Variants in LHX2 observed in about 807,000 individuals in gnomAD.
LHX2 encodes LIM homeobox 2, also known as LIM/homeobox protein Lhx2.
Under a neutral mutation model 33.0 loss-of-function variants are expected in LHX2, and 6 were observed. That is an observed-to-expected ratio of 0.18 (90% CI 0.10 to 0.36). The LOEUF (loss-of-function observed/expected upper bound fraction) is 0.36, where lower values mean the gene tolerates loss of function less well. Ranked by LOEUF, LHX2 falls within the 10% of genes least tolerant of loss-of-function variation. LHX2 has a pLI of 1.00. For missense variants in LHX2, 442 were observed against 586.2 expected, an observed-to-expected ratio of 0.75 and a Z score of 2.54; for synonymous variants, 292 against 253.1, an observed-to-expected ratio of 1.15 and a Z score of -1.46.
In LHX2 at chr9:124,013,963, C is replaced by T; in HGVS notation, c.123C>T (p.Thr41=). The T allele has an allele frequency of 6.2e-7, 1 of 1,612,082 alleles. No homozygotes were observed. Residue 41 remains threonine, a splice_region_variant and synonymous_variant, in exon 2 of 5, where the codon ACC becomes ACT. Transcript: ENST00000373615. ...SAIDRGDTET[T]MPSISSDRAA... is the part of the protein sequence containing the mutation. ...CTTCCGCCTCCCTCCCTTCGCAGAC[C>T]ATGCCGTCCATCAGCAGTGACCGCG...
chr9:124,032,504 G>A lies in LHX2; in HGVS notation c.1018G>A (p.Ala340Thr), dbSNP rs1195957735. Residue 340 changes from alanine (A) to threonine (T), a missense_variant, in exon 5 of 5, where the codon GCG (alanine) becomes ACG (threonine). Coordinates refer to ENST00000373615, the MANE Select transcript of LHX2 (RefSeq NM_004789.4). The surrounding 1 kb of genome is among the most constrained non-coding windows in gnomAD (Gnocchi z 4.1). ...GGGCGTGGACAAGTCGACAGACGCG[G>A]CGCTGCAGACAGGGACGCCATCGGG... ...NTGVDKSTDA[A>T]LQTGTPSGPA... The A allele has an allele frequency of 6.2e-7, 1 of 1,613,078 alleles. No individual in the cohort carries two copies. Among genetic ancestry groups the A allele is most frequent in the Non-Finnish European group, 8.5e-7 (1 of 1,179,984 alleles).
At chr9:124,023,353 G>C (rs1013742697) in intron 4 of LHX2, among the ~76,000 whole-genome samples, 5 of 152,194 alleles carry the variant, frequency 3.3e-5, no homozygotes, top group Admixed American at 2.6e-4. Context: ...GACAGTTTAC[G>C]AATTTGTGTT....
intron 4 of LHX2, among the ~76,000 whole-genome samples, chr9:124,029,115 A>AAAT (rs371060108): frequency 0.016 from 2,475 of 151,268 alleles, 82 homozygotes; most frequent in African/African-American, 0.057. Flanking sequence ...CTGTCTCAAA[A>AAAT]AATAATAATA....
chr9:124,032,259 A>C lies in LHX2; in HGVS notation c.934-161A>C. 1.2e-6 allele frequency: 1 copy of C among 835,738 alleles called. No individual in the cohort carries two copies. The highest frequency in any genetic ancestry group is 1.8e-6 in the Non-Finnish European group (1 of 561,154). 51.8% of individuals were successfully genotyped at this position (835,738 alleles called of 1,614,324 possible). A position where few individuals can be genotyped will look rare whatever the true frequency, so the allele number is the denominator to read the frequency against. On this transcript the variant is annotated intron_variant, in intron 4 of 4. Transcript: ENST00000373615. This position sits in a 1 kb window ranked among gnomAD's most constrained non-coding sequence, Gnocchi z 4.1. Reference sequence around the variant, plus strand: ...CCTGTCTGCAAACAAAAACAAAAACAAAAAAACCAAAAAAGCAAAATATTG... The same window carrying C: ...CCTGTCTGCAAACAAAAACAAAAACCAAAAAACCAAAAAAGCAAAATATTG...
intron 4 of LHX2, among the ~76,000 whole-genome samples, chr9:124,027,151 T>C (rs990420358): frequency 3.9e-5 from 6 of 152,178 alleles, no homozygotes; most frequent in East Asian, 1.9e-4. Flanking sequence ...GTTTCTGATT[T>C]CCAGTTCAGT....
intron 4 of LHX2, among the ~76,000 whole-genome samples, chr9:124,026,804 A>C (rs1242351595): frequency 6.6e-6 from 1 of 152,206 alleles, no homozygotes; most frequent in African/African-American, 2.4e-5. Context: ...GAAAAATGCA[A>C]GGGTACAATT....
chr9:124,028,845 TG>T (rs1262957460), intron 4 of LHX2, among the ~76,000 whole-genome samples: 1 of 152,174 alleles, frequency 6.6e-6, no homozygotes, highest in African/African-American at 2.4e-5. Context: ...CGGTGGCTCA[TG>T]CCTATAATCC....
Position 124,014,556 on chromosome 9 carries a change from G to A in LHX2, c.323+393G>A, listed in dbSNP as rs1018709803. 6.6e-6 allele frequency among the ~76,000 whole-genome samples: 1 copy of A among 152,196 alleles called. No individual in the cohort carries two copies. Among genetic ancestry groups the A allele is most frequent in the African/African-American group, 2.4e-5 (1 of 41,434 alleles). On this transcript the variant is annotated intron_variant, in intron 2 of 4. Coordinates refer to ENST00000373615, the MANE Select transcript of LHX2 (RefSeq NM_004789.4). This position sits in a 1 kb window ranked among gnomAD's most constrained non-coding sequence, Gnocchi z 4.8. ...CTGGAGTGAAACACAGCTGGAAAGA[G>A]AGCTGTGGGAGTGGGTGCATTTCCA...
At position 124,012,531 on chromosome 9, in the gene LHX2, C is replaced by G; in HGVS notation, c.120+63C>G. 1 of 1,416,394 alleles carries G rather than the reference C, an allele frequency of 7.1e-7. No individual in the cohort carries two copies. The allele number at this position is 1,416,394 out of a possible 1,614,324, so 87.7% of individuals were successfully genotyped here. ...GATGGGGCCGGGCCAGTCAGCGCCT[C>G]TGCTCCCCGAAGTTTGGGGAGCGTC... On this transcript the variant is annotated intron_variant, in intron 1 of 4. Transcript: ENST00000373615. The surrounding 1 kb of genome is among the most constrained non-coding windows in gnomAD (Gnocchi z 4.3).
At chr9:124,028,240 TGTGCTTCTTCATCTAC>T (rs1828656328) in intron 4 of LHX2, among the ~76,000 whole-genome samples, 1 of 152,112 alleles carries the variant, frequency 6.6e-6, no homozygotes, top group Non-Finnish European at 1.5e-5. Flanking sequence ...AGAAGCAACG[TGTGCTTCTTCATCTAC>T]CCAGGGCTTA....
chr9:124,014,011 G>A lies in LHX2; in HGVS notation c.171G>A (p.Gly57=). 2 of 1,613,542 alleles carry A rather than the reference G, an allele frequency of 1.2e-6. No individual in the cohort carries two copies. The highest frequency in any genetic ancestry group is 1.7e-6 in the Non-Finnish European group (2 of 1,180,026). ...GCGCCGCGCTGTGCGCCGGCTGCGG[G>A]GGCAAGATCTCGGACCGCTACTACC... ...SDRAALCAGC[G]GKISDRYYLL... The change falls in exon 2 of 5, where the codon GGG becomes GGA. Residue 57 remains glycine (G), a synonymous_variant. Coordinates refer to ENST00000373615, the MANE Select transcript of LHX2 (RefSeq NM_004789.4). The surrounding 1 kb of genome is among the most constrained non-coding windows in gnomAD (Gnocchi z 4.8).
chr9:124,026,642 T>G (rs1191475700), intron 4 of LHX2, among the ~76,000 whole-genome samples: 2 of 152,188 alleles, frequency 1.3e-5, no homozygotes, highest in Non-Finnish European at 2.9e-5. Flanking sequence ...TGTCTTTCTC[T>G]TGGAGATCAG....
chr9:124,014,203 C>G lies in LHX2; in HGVS notation c.323+40C>G. The stretch of plus-strand genomic sequence containing the variant: ...CAACTGCCCCTCAGGACCCCTCCCC[C>G]CAATCTCAGGCACAGTCTTACAGTT... On this transcript the variant is annotated intron_variant, in intron 2 of 4. Transcript: ENST00000373615. The surrounding 1 kb of genome is among the most constrained non-coding windows in gnomAD (Gnocchi z 4.8). 4 of 1,385,742 alleles carry G rather than the reference C, an allele frequency of 2.9e-6. No individual in the cohort carries two copies. Among genetic ancestry groups the G allele is most frequent in the Non-Finnish European group, 3.0e-6 (3 of 999,962 alleles). The allele number at this position is 1,385,742 out of a possible 1,614,324, so 85.8% of individuals were successfully genotyped here.
intron 3 of LHX2, 38 bp from the exon 4 acceptor site, chr9:124,021,061 C>G (rs1475333366): frequency 6.3e-7 from 1 of 1,596,560 alleles, no homozygotes; most frequent in East Asian, 2.2e-5. Flanking sequence ...GGGGGCGGGT[C>G]AGGAAGTTCA....
chr9:124,019,422 C>T (rs1310681654), intron 3 of LHX2, among the ~76,000 whole-genome samples: 1 of 152,072 alleles, frequency 6.6e-6, no homozygotes, highest in Non-Finnish European at 1.5e-5. Flanking sequence ...ATTTTGGGTA[C>T]GTAACAAATA....
chr9:124,023,407 A>G (rs1324223662), intron 4 of LHX2, among the ~76,000 whole-genome samples: 4 of 152,176 alleles, frequency 2.6e-5, no homozygotes, highest in Admixed American at 6.5e-5. Flanking sequence ...GGCTTGCTCT[A>G]TGGAGTGGGG....
Position 124,025,311 on chromosome 9 carries a change from T to G in LHX2, c.933+4007T>G, listed in dbSNP as rs575465384. Among the ~76,000 whole-genome samples the G allele has an allele frequency of 6.6e-3, 1,008 of 151,878 alleles. 13 individuals carry two copies. Among genetic ancestry groups the G allele is most frequent in the African/African-American group, 0.023 (960 of 41,420 alleles). On this transcript the variant is annotated intron_variant, in intron 4 of 4. Coordinates refer to ENST00000373615, the MANE Select transcript of LHX2 (RefSeq NM_004789.4). ...CAAAAATTAGCCGGGCGTGGTGGCA[T>G]GTGCCTGTAGTCCCAGCTGCTGGGG...
At chr9:124,030,002 G>A (rs1196615205) in intron 4 of LHX2, among the ~76,000 whole-genome samples, 1 of 152,240 alleles carries the variant, frequency 6.6e-6, no homozygotes, top group Non-Finnish European at 1.5e-5. Context: ...GTCAAGGGTG[G>A]TCTGAGAAGC....
intron 4 of LHX2, among the ~76,000 whole-genome samples, chr9:124,028,711 T>C (rs1828665504): frequency 6.6e-6 from 1 of 152,184 alleles, no homozygotes; most frequent in East Asian, 1.9e-4. Context: ...AGGGAGAGCA[T>C]GGACTCTTTT....
Sources: gnomAD v4.1 joint callset for allele counts (sites outside exome capture counted in the v4.1 genomes callset) on GRCh38, gnomAD v4.1.1 for gene constraint, Gnocchi (gnomAD v3.1) non-coding constraint, MANE v1.5 for transcripts, NCBI Gene and HGNC (gene_info 2026-07-23, HGNC 2026-07-21) for gene names.